The following CDH20 variants were observed in gnomAD, a reference collection of about 807,000 sequenced individuals.
CDH20 encodes the protein cadherin 20, also known as cadherin-20.
In CDH20, 29 loss-of-function variants were observed where a neutral mutation model predicts 74.2. The observed-to-expected ratio is 0.39, with a 90% CI of 0.29 to 0.53. The LOEUF (loss-of-function observed/expected upper bound fraction) is 0.53. Ranked by LOEUF, CDH20 falls within the 20% of genes least tolerant of loss-of-function variation. The pLI is 0.69. For synonymous variants in CDH20, 469 were observed against 405.4 expected (o/e 1.16, Z -1.88); for missense variants, 988 against 1,048.3 (o/e 0.94, Z 0.79).
At chr18:61,413,907 T>C (rs1162786485) in intron 1 of CDH20, among the ~76,000 whole-genome samples, 1 of 152,146 alleles carries the variant, frequency 6.6e-6, no homozygotes, top group Non-Finnish European at 1.5e-5. Flanking sequence ...CCATATAACT[T>C]AATATAATGC....
intron 11 of CDH20, among the ~76,000 whole-genome samples, chr18:61,551,424 C>T (rs1234337178): frequency 2.6e-5 from 4 of 152,162 alleles, no homozygotes; most frequent in African/African-American, 4.8e-5. Flanking sequence ...CACCTCTATA[C>T]CAAGAGACAG....
rs1335055484 is a variant in CDH20, at chr18:61,554,234, C to T, written c.1945C>T (p.Pro649Ser). ...GTCCATGAGGCGGCACCGGAAACAA[C>T]CATACATCATCGACGACGAGGAAAA... The part of the protein sequence containing the change: ...ILSMRRHRKQ[P>S]YIIDDEENIH... Residue 649 changes from proline to serine, a missense_variant, in exon 12 of 12, where the codon CCA (proline) becomes TCA (serine). This residue lies in a region of CDH20 where 375 missense variants were observed against 293.1 expected (regional missense o/e 1.28). Transcript: ENST00000262717. 1 of 1,613,928 alleles carries T rather than the reference C, an allele frequency of 6.2e-7. No homozygotes were observed. The highest frequency in any genetic ancestry group is 1.1e-5 in the South Asian group (1 of 91,070).
intron 1 of CDH20, among the ~76,000 whole-genome samples, chr18:61,417,363 A>G (rs1032319820): frequency 5.3e-5 from 8 of 152,136 alleles, no homozygotes; most frequent in Non-Finnish European, 7.4e-5. Flanking sequence ...ACTGTTCACA[A>G]TAGCCAAGAT....
In CDH20 at chr18:61,409,426, A is replaced by T. The variant is rs889326999; in HGVS notation, c.-153+75599A>T. On this transcript the variant is annotated intron_variant, in intron 1 of 11. Transcript: ENST00000262717. ...GGCAGTCCTGGGGAAGGGATGGCAC[A>T]TCTCAGCAGACCCTTCGATGGGGAC... Among the ~76,000 whole-genome samples, 3 of 152,186 alleles carry T rather than the reference A, an allele frequency of 2.0e-5. No homozygotes were observed. In the South Asian group the frequency reaches 6.2e-4, roughly 31 times the overall value.
chr18:61,337,929 GT>G (rs759647732), intron 1 of CDH20, among the ~76,000 whole-genome samples: 10 of 152,140 alleles, frequency 6.6e-5, no homozygotes, highest in Non-Finnish European at 1.5e-4. Flanking sequence ...AAGTATAATT[GT>G]TCTGGGAATA....
intron 1 of CDH20, among the ~76,000 whole-genome samples, chr18:61,469,219 A>G (rs549584113): frequency 9.2e-5 from 14 of 152,312 alleles, no homozygotes; most frequent in South Asian, 4.1e-4. Flanking sequence ...GAATAAAGCT[A>G]AAACCATTGC....
At chr18:61,552,917 G>T (rs1568188233) in intron 11 of CDH20, among the ~76,000 whole-genome samples, 1 of 152,126 alleles carries the variant, frequency 6.6e-6, no homozygotes, top group Non-Finnish European at 1.5e-5. Context: ...CTTCCTTAGA[G>T]TCCTATTAGT....
In CDH20 at chr18:61,521,830, T is replaced by C. The variant is rs1912220482; in HGVS notation, c.1018-6137T>C. Among the ~76,000 whole-genome samples, 2 of 152,172 alleles carry C rather than the reference T, an allele frequency of 1.3e-5. 1 individual carries two copies. The highest frequency in any genetic ancestry group is 2.9e-5 in the Non-Finnish European group (2 of 68,040). On this transcript the variant is annotated intron_variant, in intron 6 of 11. Transcript: ENST00000262717. ...AGAACCAATGACAAAAACCACATGA[T>C]TATCTCAATAGTGCAGAAAAGCCCT...
chr18:61,418,725 T>G (rs1249599313), intron 1 of CDH20, among the ~76,000 whole-genome samples: 1 of 152,120 alleles, frequency 6.6e-6, no homozygotes, highest in Non-Finnish European at 1.5e-5. Flanking sequence ...AACTTCCACT[T>G]ATTGGTTCTT....
chr18:61,475,803 T>A (rs1285410955), intron 1 of CDH20, among the ~76,000 whole-genome samples: 2 of 152,192 alleles, frequency 1.3e-5, no homozygotes, highest in African/African-American at 4.8e-5. Flanking sequence ...CGAAGTTTTG[T>A]ACATATAGCC....
At chr18:61,463,921 T>G (rs1909868185) in intron 1 of CDH20, among the ~76,000 whole-genome samples, 1 of 152,064 alleles carries the variant, frequency 6.6e-6, no homozygotes, top group Admixed American at 6.6e-5. Context: ...GGCCCAGAAG[T>G]ATCATTTCTC....
chr18:61,490,543 C>T lies in CDH20; in HGVS notation c.-11C>T. ...TCATTCTCCTTCATTTTCTGAAAACCTGGCAATCCCATGTGGACTTCTGGT... is the reference window on the plus strand; with the variant it reads ...TCATTCTCCTTCATTTTCTGAAAACTTGGCAATCCCATGTGGACTTCTGGT... On this transcript the variant is annotated 5_prime_UTR_variant, in exon 2 of 12. Coordinates refer to ENST00000262717, the MANE Select transcript of CDH20 (RefSeq NM_031891.4). 6.2e-7 allele frequency: 1 copy of T among 1,608,486 alleles called. No homozygotes were observed. The highest frequency in any genetic ancestry group is 8.5e-7 in the Non-Finnish European group (1 of 1,175,468).
At chr18:61,468,086 C>T (rs77852180) in intron 1 of CDH20, among the ~76,000 whole-genome samples, 3,735 of 152,278 alleles carry the variant, frequency 0.025, 157 homozygotes, top group East Asian at 0.11. Context: ...CCATACTTCC[C>T]ATCAAGTTGT....
chr18:61,537,875 A>C (rs1599155136), intron 8 of CDH20, among the ~76,000 whole-genome samples: 1 of 152,336 alleles, frequency 6.6e-6, no homozygotes, highest in East Asian at 1.9e-4. Flanking sequence ...TATGATTCAG[A>C]AGAACAATGC....
chr18:61,524,230 A>T (rs1023442006), intron 6 of CDH20, among the ~76,000 whole-genome samples: 1 of 152,152 alleles, frequency 6.6e-6, no homozygotes, highest in African/African-American at 2.4e-5. Flanking sequence ...GGAAGTGCCA[A>T]TCAGAACTAC....
At chr18:61,380,865 T>G (rs537872126) in intron 1 of CDH20, among the ~76,000 whole-genome samples, 2 of 152,152 alleles carry the variant, frequency 1.3e-5, no homozygotes, top group Non-Finnish European at 2.9e-5. Flanking sequence ...CAGAAATACT[T>G]CTTGGTCAGT....
chr18:61,375,691 C>A (rs966023507), intron 1 of CDH20, among the ~76,000 whole-genome samples: 1 of 151,986 alleles, frequency 6.6e-6, no homozygotes, highest in East Asian at 1.9e-4. Flanking sequence ...CCCATTACCC[C>A]GTTCCCTCCC....
intron 5 of CDH20, among the ~76,000 whole-genome samples, chr18:61,504,283 A>C (rs772584079): frequency 4.6e-5 from 7 of 152,192 alleles, no homozygotes; most frequent in Non-Finnish European, 1.0e-4. Context: ...TGAACTGCTA[A>C]GGACTTAAGG....
chr18:61,445,034 C>T (rs904339465), intron 1 of CDH20, among the ~76,000 whole-genome samples: 4 of 152,186 alleles, frequency 2.6e-5, no homozygotes, highest in African/African-American at 9.6e-5. Context: ...TAATATCATC[C>T]ATTCTGAAAC....
Sources: allele counts gnomAD v4.1 joint callset (sites outside exome capture counted in the v4.1 genomes callset), GRCh38; gene constraint gnomAD v4.1.1; regional missense constraint gnomAD v4.1.1; transcripts MANE v1.5; gene names NCBI Gene and HGNC (gene_info 2026-07-23, HGNC 2026-07-21).